Variants in DNAJC25 observed in about 807,000 individuals in gnomAD.
DNAJC25 encodes the protein dnaJ homolog subfamily C member 25.
DNAJC25 carries 26 observed loss-of-function variants against 42.1 expected under a neutral mutation model. That is an observed-to-expected ratio of 0.62 (90% confidence interval 0.45 to 0.86). DNAJC25 has a LOEUF of 0.86. Among genes scored for constraint, DNAJC25 ranks in the 40% least tolerant of loss-of-function variants. The pLI is 0.00. For synonymous variants in DNAJC25, 189 were observed against 179.9 expected (o/e 1.05, Z -0.40); for missense variants, 404 against 459.4 (o/e 0.88, Z 1.10).
rs4978455 is a variant in DNAJC25 at position 111,647,270 on chromosome 9, A to G, written c.489+11A>G. On this transcript the variant is annotated intron_variant, in intron 2 of 3. Transcript: ENST00000313525. ...ATTTCGGTGTTTCAGGTATGTATCA[A>G]TGGATATTTTTATCTACATTTATGT... is the stretch of plus-strand genomic sequence containing the variant. 373,413 of 1,613,294 alleles carry G rather than the reference A, an allele frequency of 0.23. 47,796 individuals are homozygous for G. The highest frequency in any genetic ancestry group is 0.5 in the East Asian group (22,431 of 44,828).
At chr9:111,632,776 C>T (rs1017225446) in intron 1 of DNAJC25, among the ~76,000 whole-genome samples, 7 of 151,030 alleles carry the variant, frequency 4.6e-5, no homozygotes, top group African/African-American at 1.7e-4. Flanking sequence ...ATAATTTTAC[C>T]TTGGATTGTT....
chr9:111,652,439 C>G (rs7866800), intron 3 of DNAJC25, among the ~76,000 whole-genome samples: 1 of 146,018 alleles, frequency 6.8e-6, no homozygotes, highest in Admixed American at 6.9e-5. Flanking sequence ...TGCTTGAATC[C>G]AGGAGGCAGA....
At chr9:111,636,481 T>C (rs983004002) in intron 1 of DNAJC25, among the ~76,000 whole-genome samples, 1 of 152,216 alleles carries the variant, frequency 6.6e-6, no homozygotes, top group Non-Finnish European at 1.5e-5. Flanking sequence ...TATTTTATAA[T>C]TATATAAATT....
rs770563433 is a variant in DNAJC25, at chr9:111,653,267, T to C, written c.*45T>C. On this transcript the variant is annotated 3_prime_UTR_variant, in exon 4 of 4. Transcript: ENST00000313525. Reference sequence around the variant, plus strand: ...ATGCCAAACCTTAATTGTGATATTATTTTCATAACTGAATTATTTTAGAAA... The same window carrying C: ...ATGCCAAACCTTAATTGTGATATTACTTTCATAACTGAATTATTTTAGAAA... 1 of 1,425,382 alleles carries C rather than the reference T, an allele frequency of 7.0e-7. No individual in the cohort carries two copies. Among genetic ancestry groups the C allele is most frequent in the Non-Finnish European group, 9.3e-7 (1 of 1,080,310 alleles). 88.3% of individuals were successfully genotyped at this position (1,425,382 alleles called of 1,614,324 possible). A position where few individuals can be genotyped will look rare whatever the true frequency, so the allele number is the denominator to read the frequency against.
intron 1 of DNAJC25, chr9:111,642,752 C>T (rs1429125811): frequency 5.0e-6 from 2 of 401,580 alleles, no homozygotes; most frequent in Non-Finnish European, 5.3e-6. Context: ...ATTTTTGCCT[C>T]TGGGGAGGGG....
chr9:111,634,843 C>T (rs1830341030), intron 1 of DNAJC25, among the ~76,000 whole-genome samples: 1 of 151,430 alleles, frequency 6.6e-6, no homozygotes, highest in Non-Finnish European at 1.5e-5. Flanking sequence ...AAAGATTTTA[C>T]CTGTGCATGG....
At chr9:111,637,092 T>A (rs1830373418) in intron 1 of DNAJC25, among the ~76,000 whole-genome samples, 1 of 152,208 alleles carries the variant, frequency 6.6e-6, no homozygotes, top group Non-Finnish European at 1.5e-5. Flanking sequence ...GACATTTTAA[T>A]TTAGCTTGTA....
chr9:111,639,935 TCTCCG>T (rs1830422770), intron 1 of DNAJC25, among the ~76,000 whole-genome samples: 1 of 136,114 alleles, frequency 7.3e-6, no homozygotes, highest in Non-Finnish European at 1.6e-5. Context: ...TCCCTCTCCG[TCTCCG>T]TCTCCGTCTC....
At chr9:111,642,845 G>A (rs973789902) in intron 1 of DNAJC25, 36 of 470,944 alleles carry the variant, frequency 7.6e-5, no homozygotes, top group African/African-American at 6.8e-4. Context: ...CTAGATATTG[G>A]TTATGTTCCA....
At chr9:111,641,964 G>T (rs1371454370) in intron 1 of DNAJC25, among the ~76,000 whole-genome samples, 487 of 126,524 alleles carry the variant, frequency 3.8e-3, no homozygotes, top group African/African-American at 0.014. Flanking sequence ...CCGGCCAGCC[G>T]CCCCGTCCGG....
chr9:111,646,939 T>C (rs1365460587), intron 1 of DNAJC25, 168 bp from the exon 2 acceptor site: 5 of 646,362 alleles, frequency 7.7e-6, no homozygotes, highest in Non-Finnish European at 1.1e-5. Context: ...TCTGAAAATT[T>C]ACATGGCTTT....
intron 1 of DNAJC25, among the ~76,000 whole-genome samples, chr9:111,638,022 A>G (rs1342614191): frequency 6.6e-6 from 1 of 152,226 alleles, no homozygotes; most frequent in Non-Finnish European, 1.5e-5. Context: ...TTAAGCTGAC[A>G]GCTCTAAAAC....
At position 111,646,117 on chromosome 9, in the gene DNAJC25, T is replaced by C. The variant is rs371052282; in HGVS notation, c.337-990T>C. On this transcript the variant is annotated intron_variant, in intron 1 of 3. Transcript: ENST00000313525. ...TAATGGTTTTTATTATACTCATATA[T>C]AGAGATTAAATAATTTGTTTTGATT... is the stretch of plus-strand genomic sequence containing the variant. Among the ~76,000 whole-genome samples the C allele has an allele frequency of 6.6e-5, 10 of 152,348 alleles. No homozygotes were observed. The East Asian group carries it at 1.5e-3, about 24-fold the overall frequency.
At chr9:111,632,021 T>G (rs1830290842) in intron 1 of DNAJC25, among the ~76,000 whole-genome samples, 1 of 152,278 alleles carries the variant, frequency 6.6e-6, no homozygotes, top group African/African-American at 2.4e-5. Context: ...TGAAAATATT[T>G]TAATAACGTG....
At chr9:111,651,781 A>G (rs993458272) in intron 3 of DNAJC25, among the ~76,000 whole-genome samples, 8 of 149,356 alleles carry the variant, frequency 5.4e-5, no homozygotes, top group African/African-American at 2.0e-4. Flanking sequence ...AGCTACTCGG[A>G]GGTTACAGTG....
At chr9:111,648,570 G>A (rs999067928) in intron 2 of DNAJC25, among the ~76,000 whole-genome samples, 4 of 151,992 alleles carry the variant, frequency 2.6e-5, no homozygotes, top group African/African-American at 4.8e-5. Context: ...GCACTTGGCC[G>A]ACATTCAATT....
At chr9:111,648,352 C>G (rs1293215307) in intron 2 of DNAJC25, among the ~76,000 whole-genome samples, 1 of 151,608 alleles carries the variant, frequency 6.6e-6, no homozygotes, top group East Asian at 1.9e-4. Context: ...GCCTTGACTT[C>G]TTGGGCTCAG....
At chr9:111,644,582 G>A (rs558822644) in intron 1 of DNAJC25, among the ~76,000 whole-genome samples, 1 of 152,186 alleles carries the variant, frequency 6.6e-6, no homozygotes, top group African/African-American at 2.4e-5. Flanking sequence ...CTTCAACCAG[G>A]AGGAGTGCAG....
chr9:111,642,972 G>T, intron 1 of DNAJC25: 1 of 470,442 alleles, frequency 2.1e-6, no homozygotes, highest in Non-Finnish European at 4.4e-6. Context: ...TCAAGGCTCA[G>T]GACAGACAGG....
Sources: allele counts gnomAD v4.1 joint callset (sites outside exome capture counted in the v4.1 genomes callset), GRCh38; gene constraint gnomAD v4.1.1; transcripts MANE v1.5; gene names NCBI Gene and HGNC (gene_info 2026-07-23, HGNC 2026-07-21).